ENAH: variants seen among roughly 807,000 people sequenced by gnomAD.
ENAH encodes protein enabled homolog.
A neutral mutation model predicts 78.7 loss-of-function variants in ENAH; 23 were observed. That is an observed-to-expected ratio of 0.29 (90% CI 0.21 to 0.41). The LOEUF (loss-of-function observed/expected upper bound fraction) is 0.41, where lower values mean the gene tolerates loss of function less well. Ranked by LOEUF, ENAH falls within the 10% of genes least tolerant of loss-of-function variation. The pLI is 1.00. For synonymous variants in ENAH, 226 were observed against 241.0 expected (o/e 0.94, Z 0.58); for missense variants, 544 against 691.0 (o/e 0.79, Z 2.39).
upstream of ENAH, chr1:225,653,264 C>T (rs1040488398): frequency 1.3e-5 from 2 of 150,534 alleles, no homozygotes; most frequent in Non-Finnish European, 3.0e-5. This position sits in a 1 kb window ranked among gnomAD's most constrained non-coding sequence, Gnocchi z 4.3. Flanking sequence ...GGGCCGGGCG[C>T]ACTCCCCCGC....
chr1:225,503,294 A>C (rs1227755101), intron 11 of ENAH, among the ~76,000 whole-genome samples: 1 of 152,142 alleles, frequency 6.6e-6, no homozygotes, highest in Non-Finnish European at 1.5e-5. Flanking sequence ...CTACATTTAA[A>C]AAATATATGT....
intron 2 of ENAH, among the ~76,000 whole-genome samples, chr1:225,559,238 T>C (rs74149847): frequency 0.013 from 1,999 of 152,324 alleles, 43 homozygotes; most frequent in African/African-American, 0.045. Flanking sequence ...CCTACACCTA[T>C]GGGATTCTCT....
chr1:225,512,535 A>G, intron 9 of ENAH, 122 bp downstream of exon 9: 2 of 989,898 alleles, frequency 2.0e-6, no homozygotes, highest in Non-Finnish European at 2.9e-6. Flanking sequence ...ATAGTTAAAA[A>G]TTAGCAAATA....
At chr1:225,550,082 C>T (rs1021164915) in intron 3 of ENAH, among the ~76,000 whole-genome samples, 1 of 152,140 alleles carries the variant, frequency 6.6e-6, no homozygotes, top group Non-Finnish European at 1.5e-5. Context: ...GCTCCTGACC[C>T]CCACCACATA....
intron 1 of ENAH, chr1:225,652,182 T>C (rs1472978172): frequency 3.8e-6 from 1 of 260,466 alleles, no homozygotes; most frequent in Non-Finnish European, 6.0e-6. Context: ...TCACAGCTCC[T>C]TCACCTACCC....
At chr1:225,591,790 A>AAAAAAAAAAAAAAAGG (rs1558871378) in intron 1 of ENAH, among the ~76,000 whole-genome samples, 1 of 147,138 alleles carries the variant, frequency 6.8e-6, no homozygotes, top group African/African-American at 2.5e-5. Context: ...AAAAAAAAAA[A>AAAAAAAAAAAAAAAGG]GGGCTTCAAA....
chr1:225,627,153 A>G (rs1216716183), intron 1 of ENAH, among the ~76,000 whole-genome samples: 2 of 152,234 alleles, frequency 1.3e-5, no homozygotes, highest in Non-Finnish European at 2.9e-5. Flanking sequence ...TTTATAATTT[A>G]GCCCCCTGCG....
At chr1:225,523,690 T>C (rs2096486099) in intron 4 of ENAH, among the ~76,000 whole-genome samples, 1 of 152,230 alleles carries the variant, frequency 6.6e-6, no homozygotes, top group African/African-American at 2.4e-5. Context: ...CTTCCGAATC[T>C]TGTGTGGCAT....
At chr1:225,500,840 T>C (rs2096278135) in intron 12 of ENAH, 152 bp downstream of exon 12, 2 of 709,022 alleles carry the variant, frequency 2.8e-6, no homozygotes, top group African/African-American at 3.6e-5. Context: ...TTTGCAAAAA[T>C]GCAGTACTAC....
intron 1 of ENAH, among the ~76,000 whole-genome samples, chr1:225,604,292 T>C (rs1401490123): frequency 6.6e-6 from 1 of 152,176 alleles, no homozygotes; most frequent in Non-Finnish European, 1.5e-5. Context: ...AGTGAAGTTA[T>C]TACTGTTTCT....
At chr1:225,552,021 T>C (rs894113973) in intron 3 of ENAH, among the ~76,000 whole-genome samples, 9 of 152,160 alleles carry the variant, frequency 5.9e-5, no homozygotes, top group Admixed American at 5.2e-4. Flanking sequence ...TTGGGTATGT[T>C]TGTTTAGATA....
chr1:225,544,395 A>G (rs1363938297), intron 3 of ENAH, among the ~76,000 whole-genome samples: 3 of 152,248 alleles, frequency 2.0e-5, no homozygotes, highest in Non-Finnish European at 4.4e-5. Context: ...TAAGCCTGGA[A>G]GAACTGAAGT....
At chr1:225,506,999 T>C (rs1232132248) in intron 11 of ENAH, among the ~76,000 whole-genome samples, 3 of 152,056 alleles carry the variant, frequency 2.0e-5, no homozygotes. Flanking sequence ...TTTTTTTTTT[T>C]CTGGGAAAAA....
intron 3 of ENAH, among the ~76,000 whole-genome samples, chr1:225,532,346 AT>A (rs2096542077): frequency 6.6e-6 from 1 of 152,114 alleles, no homozygotes; most frequent in South Asian, 2.1e-4. Context: ...TCACAAGACC[AT>A]TATGTTTTAA....
At chr1:225,587,153 T>G (rs2096851632) in intron 1 of ENAH, among the ~76,000 whole-genome samples, 1 of 152,162 alleles carries the variant, frequency 6.6e-6, no homozygotes, top group African/African-American at 2.4e-5. Context: ...GATTAACCAC[T>G]TCTATTCAAC....
At chr1:225,563,342 G>A (rs909921460) in intron 2 of ENAH, among the ~76,000 whole-genome samples, 1 of 152,128 alleles carries the variant, frequency 6.6e-6, no homozygotes, top group Non-Finnish European at 1.5e-5. Context: ...AAAGTGATTA[G>A]AGCTGAAATG....
chr1:225,509,565 T>C (rs1343071841), intron 10 of ENAH, among the ~76,000 whole-genome samples: 2 of 152,186 alleles, frequency 1.3e-5, no homozygotes, highest in African/African-American at 2.4e-5. Flanking sequence ...GGCATGCGTA[T>C]AGAGCTTCCT....
At chr1:225,588,801 C>CAAAAA (rs55962047) in intron 1 of ENAH, among the ~76,000 whole-genome samples, 19 of 78,436 alleles carry the variant, frequency 2.4e-4, no homozygotes, top group Middle Eastern at 7.6e-3. Flanking sequence ...AAGTCTGTGT[C>CAAAAA]AAAAAAAAAA....
chr1:225,615,652 G>A (rs189290143), intron 1 of ENAH, among the ~76,000 whole-genome samples: 1,641 of 151,146 alleles, frequency 0.011, 28 homozygotes, highest in African/African-American at 0.038. Context: ...CCTCTGCCCC[G>A]CCACCCCGTC....
Sources: gnomAD v4.1 joint callset for allele counts (sites outside exome capture counted in the v4.1 genomes callset) on GRCh38, gnomAD v4.1.1 for gene constraint, Gnocchi (gnomAD v3.1) non-coding constraint, MANE v1.5 for transcripts, NCBI Gene and HGNC (gene_info 2026-07-23, HGNC 2026-07-21) for gene names.